Variants in IL1RAPL1 observed in about 807,000 individuals in gnomAD.
IL1RAPL1 encodes interleukin-1 receptor accessory protein-like 1.
IL1RAPL1 carries 3 observed loss-of-function variants against 48.4 expected under a neutral mutation model. The observed-to-expected ratio is 0.06, with a 90% CI of 0.03 to 0.16. The LOEUF (loss-of-function observed/expected upper bound fraction) is 0.16, where lower values mean the gene tolerates loss of function less well. IL1RAPL1 is among the 10% of genes least tolerant of loss of function. The pLI is 1.00. For synonymous variants in IL1RAPL1, 185 were observed against 187.7 expected, an observed-to-expected ratio of 0.99 and a Z score of 0.12; for missense variants, 349 against 530.6, an observed-to-expected ratio of 0.66 and a Z score of 3.36.
chrX:29,090,295 T>C (rs1928061813), intron 2 of IL1RAPL1, among the ~76,000 whole-genome samples: 2 of 111,976 alleles, frequency 1.8e-5, no homozygotes, highest in Non-Finnish European at 3.8e-5. Flanking sequence ...TTTCCTTTTA[T>C]TTGCCTACTC....
intron 3 of IL1RAPL1, among the ~76,000 whole-genome samples, chrX:29,341,843 C>T (rs1602183437): frequency 9.0e-6 from 1 of 111,208 alleles, no homozygotes; most frequent in East Asian, 2.8e-4. Flanking sequence ...GTCTCACTCT[C>T]TCACCCAGGC....
chrX:29,327,850 G>A (rs980418598), intron 3 of IL1RAPL1, among the ~76,000 whole-genome samples: 6 of 109,848 alleles, frequency 5.5e-5, no homozygotes, highest in Non-Finnish European at 9.5e-5. Context: ...ACAACTATTC[G>A]ACTCCACCAT....
intron 6 of IL1RAPL1, among the ~76,000 whole-genome samples, chrX:29,769,289 T>C (rs1299739893): frequency 1.8e-5 from 2 of 110,402 alleles, no homozygotes; most frequent in Admixed American, 2.0e-4. Context: ...GTGGGGTTGT[T>C]TCTGCTTTGG....
chrX:28,615,203 T>TG, intron 1 of IL1RAPL1, among the ~76,000 whole-genome samples: 3 of 35,537 alleles, frequency 8.4e-5, no homozygotes, highest in African/African-American at 1.3e-4. Context: ...TTGTCTGTTT[T>TG]TTTTTTTTTT....
At chrX:29,204,362 G>A (rs780564030) in intron 2 of IL1RAPL1, among the ~76,000 whole-genome samples, 1 of 111,496 alleles carries the variant, frequency 9.0e-6, no homozygotes. Flanking sequence ...TCCCCTTTCC[G>A]CACATCCTTG....
intron 2 of IL1RAPL1, among the ~76,000 whole-genome samples, chrX:28,822,990 C>G (rs2070556373): frequency 2.7e-5 from 3 of 111,272 alleles, no homozygotes; most frequent in South Asian, 3.8e-4. Context: ...CAAGAGTTTC[C>G]CAGAATTCCA....
intron 2 of IL1RAPL1, among the ~76,000 whole-genome samples, chrX:28,844,057 C>T (rs1248187385): frequency 9.1e-6 from 1 of 109,292 alleles, no homozygotes; most frequent in African/African-American, 3.3e-5. Context: ...CCCCTCTCTC[C>T]AGCCTTAGTA....
intron 5 of IL1RAPL1, among the ~76,000 whole-genome samples, chrX:29,562,326 A>G (rs2147793688): frequency 9.1e-6 from 1 of 110,361 alleles, no homozygotes; most frequent in South Asian, 3.9e-4. Context: ...ATTTAAAAGG[A>G]GTCATAGACC....
intron 5 of IL1RAPL1, among the ~76,000 whole-genome samples, chrX:29,515,807 C>T (rs925826906): frequency 4.5e-5 from 5 of 111,219 alleles, no homozygotes; most frequent in Non-Finnish European, 9.4e-5. Flanking sequence ...CTACCTCAGC[C>T]TCCCATGAAG....
At chrX:29,634,532 A>T (rs758575544) in intron 5 of IL1RAPL1, among the ~76,000 whole-genome samples, 1 of 110,826 alleles carries the variant, frequency 9.0e-6, no homozygotes, top group East Asian at 2.8e-4. Flanking sequence ...ATCTACCAGG[A>T]CCCTGGCAGT....
In IL1RAPL1 at chrX:28,616,245, T is replaced by C. The variant is rs749942063; in HGVS notation, c.-25+28198T>C. On this transcript the variant is annotated intron_variant, in intron 1 of 10. Transcript: ENST00000378993. The stretch of plus-strand genomic sequence containing the variant: ...TTGTCATAAAATGAAGTTGAAAGGG[T>C]CTGAATATGTAGACTTCTTACAGGC... Among the ~76,000 whole-genome samples, 23 of 111,939 alleles carry C rather than the reference T, an allele frequency of 2.1e-4. No homozygotes were observed. The East Asian group carries it at 5.1e-3, about 25-fold the overall frequency.
intron 3 of IL1RAPL1, among the ~76,000 whole-genome samples, chrX:29,328,631 GTA>G (rs551009907): frequency 1.2e-4 from 12 of 101,877 alleles, no homozygotes; most frequent in Non-Finnish European, 2.0e-4. Flanking sequence ...AATTATATAT[GTA>G]TATATATATA....
At chrX:29,918,144 AATATATATATAT>A (rs748970921) in intron 7 of IL1RAPL1, among the ~76,000 whole-genome samples, 16 of 23,761 alleles carry the variant, frequency 6.7e-4, no homozygotes, top group African/African-American at 3.4e-3. Context: ...AAAAAAAAAA[AATATATATATAT>A]ATATATATAT....
chrX:28,781,937 T>C (rs753542042), intron 1 of IL1RAPL1, among the ~76,000 whole-genome samples: 3 of 112,149 alleles, frequency 2.7e-5, no homozygotes, highest in Non-Finnish European at 5.6e-5. Context: ...TTCCTTTCTC[T>C]ATAATTATAT....
At chrX:28,932,029 G>A (rs1328731017) in intron 2 of IL1RAPL1, among the ~76,000 whole-genome samples, 5 of 107,405 alleles carry the variant, frequency 4.7e-5, no homozygotes, top group African/African-American at 1.7e-4. Flanking sequence ...GTGACAGAGC[G>A]AGACTCCATC....
Position 29,343,678 on chromosome X carries a change from C to A in IL1RAPL1, c.363-52580C>A, listed in dbSNP as rs73462514. Among the ~76,000 whole-genome samples, 199 of 111,655 alleles carry A rather than the reference C, an allele frequency of 1.8e-3. 2 individuals carry two copies. Among genetic ancestry groups the A allele is most frequent in the African/African-American group, 6.2e-3 (190 of 30,700 alleles). On this transcript the variant is annotated intron_variant, in intron 3 of 10. Coordinates refer to ENST00000378993, the MANE Select transcript of IL1RAPL1 (RefSeq NM_014271.4). Reference sequence around the variant, plus strand: ...ATCAATTTCAGGAGAAGGAAACACTCCATAAAGTGCGAGTCAACTTGATGA... The same window carrying A: ...ATCAATTTCAGGAGAAGGAAACACTACATAAAGTGCGAGTCAACTTGATGA...
intron 5 of IL1RAPL1, among the ~76,000 whole-genome samples, chrX:29,514,531 C>G (rs1935425550): frequency 8.9e-6 from 1 of 112,587 alleles, no homozygotes; most frequent in Non-Finnish European, 1.9e-5. Flanking sequence ...TCACTGCAAC[C>G]TCTGCCTCCT....
chrX:29,573,329 A>G lies in IL1RAPL1; in HGVS notation c.704-95101A>G, dbSNP rs567711943. Reference sequence around the variant, plus strand: ...TTGGAAAGAATTTGAAAAGGAAAGTAGGAATACAATTGACTTTCCCAAGTT... The same window carrying G: ...TTGGAAAGAATTTGAAAAGGAAAGTGGGAATACAATTGACTTTCCCAAGTT... On this transcript the variant is annotated intron_variant, in intron 5 of 10. Transcript: ENST00000378993. 9.7e-5 allele frequency among the ~76,000 whole-genome samples: 11 copies of G among 112,866 alleles called. No individual in the cohort carries two copies. In the East Asian group the frequency reaches 2.5e-3, roughly 26 times the overall value.
At position 29,286,928 on chromosome X, in the gene IL1RAPL1, G is replaced by A. The variant is rs181159437; in HGVS notation, c.362+3711G>A. Among the ~76,000 whole-genome samples the A allele has an allele frequency of 2.2e-3, 245 of 109,927 alleles. 1 individual carries two copies. The highest frequency in any genetic ancestry group is 7.5e-3 in the African/African-American group (226 of 30,187). On this transcript the variant is annotated intron_variant, in intron 3 of 10. Transcript: ENST00000378993. ...TTCATATTCAGTTGCAAGACATAACGTAGAGAGATGCCATACCCAGATTTG... is the reference window on the plus strand; with the variant it reads ...TTCATATTCAGTTGCAAGACATAACATAGAGAGATGCCATACCCAGATTTG...
Sources: allele counts gnomAD v4.1 joint callset (sites outside exome capture counted in the v4.1 genomes callset), GRCh38; gene constraint gnomAD v4.1.1; transcripts MANE v1.5; gene names NCBI Gene and HGNC (gene_info 2026-07-23, HGNC 2026-07-21).